SUMF1: variants seen among roughly 807,000 people sequenced by gnomAD.
The protein encoded by SUMF1 is sulfatase modifying factor 1.
In SUMF1, 48 loss-of-function variants were observed where a neutral mutation model predicts 47.6. The ratio of observed to expected loss-of-function variants is 1.01; its 90% CI spans 0.80 to 1.28. SUMF1 has a LOEUF of 1.28. Among genes scored for constraint, SUMF1 ranks in the 50% most tolerant of loss-of-function variants. SUMF1 has a pLI of 0.00. For missense variants in SUMF1, 571 were observed against 485.4 expected (o/e 1.18, Z -1.66); for synonymous variants, 230 against 192.1 (o/e 1.20, Z -1.63).
At chr3:4,349,869 G>A (rs1310935824) in intron 8 of SUMF1, among the ~76,000 whole-genome samples, 1 of 151,766 alleles carries the variant, frequency 6.6e-6, no homozygotes, top group Non-Finnish European at 1.5e-5. Context: ...GTTGGAGGAT[G>A]GGTCAATAGG....
At chr3:4,252,912 T>C (rs1347446686) in intron 8 of SUMF1, among the ~76,000 whole-genome samples, 1 of 152,196 alleles carries the variant, frequency 6.6e-6, no homozygotes. Context: ...GGTGTATTCG[T>C]ATCTAAAATA....
At chr3:4,193,036 T>A (rs560292528) in intron 8 of SUMF1, among the ~76,000 whole-genome samples, 106 of 152,202 alleles carry the variant, frequency 7.0e-4, no homozygotes, top group Middle Eastern at 3.4e-3. Context: ...ATTCAATTAA[T>A]GTTTTTTAAA....
At chr3:4,213,187 G>C (rs922550528) in intron 8 of SUMF1, among the ~76,000 whole-genome samples, 6 of 152,166 alleles carry the variant, frequency 3.9e-5, no homozygotes, top group East Asian at 3.9e-4. Context: ...ACACAAAGGA[G>C]AGCCCATCAG....
chr3:4,166,299 G>A (rs1020260490), intron 8 of SUMF1, among the ~76,000 whole-genome samples: 2 of 152,120 alleles, frequency 1.3e-5, no homozygotes, highest in African/African-American at 4.8e-5. Flanking sequence ...GGAGGGAAGG[G>A]ATCTCCAGGG....
At chr3:4,246,800 G>A (rs1369411014) in intron 8 of SUMF1, among the ~76,000 whole-genome samples, 1 of 152,080 alleles carries the variant, frequency 6.6e-6, no homozygotes, top group Non-Finnish European at 1.5e-5. Flanking sequence ...TTCAAATCTT[G>A]ACCTTTCTAT....
chr3:4,376,183 A>G lies in SUMF1; in HGVS notation c.1014+147T>C, dbSNP rs527933895. On this transcript the variant is annotated intron_variant, in intron 8 of 8. Transcript: ENST00000272902. ...CTCCATGCTTGTAACCAAATTTGAG[A>G]TGACTGTCCTCCTTTTTTTCTGGTT... 9 of 990,596 alleles carry G rather than the reference A, an allele frequency of 9.1e-6. No homozygotes were observed. In the South Asian group the frequency reaches 1.2e-4, roughly 13 times the overall value. The allele number at this position is 990,596 out of a possible 1,614,324, so 61.4% of individuals were successfully genotyped here. A position where few individuals can be genotyped will look rare whatever the true frequency, so the allele number is the denominator to read the frequency against.
At chr3:4,211,584 A>T (rs1695796045) in intron 8 of SUMF1, among the ~76,000 whole-genome samples, 1 of 152,010 alleles carries the variant, frequency 6.6e-6, no homozygotes, top group African/African-American at 2.4e-5. Flanking sequence ...GACACAGAAA[A>T]CTCCAATCAT....
At chr3:4,063,363 T>G (rs1434937684) in intron 9 of SUMF1, among the ~76,000 whole-genome samples, 1 of 152,138 alleles carries the variant, frequency 6.6e-6, no homozygotes, top group Non-Finnish European at 1.5e-5. Flanking sequence ...TTACAGAGAC[T>G]GCACACAAAA....
intron 8 of SUMF1, among the ~76,000 whole-genome samples, chr3:4,120,530 A>G (rs560570654): frequency 1.1e-4 from 16 of 152,266 alleles, no homozygotes; most frequent in African/African-American, 3.9e-4. Context: ...CCTGTTGGGA[A>G]AATAATCATG....
Position 4,113,831 on chromosome 3 carries a change from G to C in SUMF1, c.1015-45086C>G, listed in dbSNP as rs73809311. 6.6e-3 allele frequency among the ~76,000 whole-genome samples: 1,000 copies of C among 152,148 alleles called. 23 individuals are homozygous for C. Among genetic ancestry groups the C allele is most frequent in the African/African-American group, 0.023 (954 of 41,468 alleles). On this transcript the variant is annotated intron_variant and NMD_transcript_variant, in intron 8 of 12. Coordinates refer to the SUMF1 transcript ENST00000448413. ...GGGTAGGCAGATAGGAACAATTACT[G>C]AAAGTTAATCCACAGATCCGGATGC...
intron 8 of SUMF1, among the ~76,000 whole-genome samples, chr3:4,259,079 C>G (rs1047231000): frequency 1.4e-5 from 2 of 139,516 alleles, no homozygotes; most frequent in Non-Finnish European, 1.5e-5. Context: ...CACATGGACC[C>G]AGGAAGGGGG....
chr3:4,303,821 A>T, intron 8 of SUMF1: 1 of 1,372,092 alleles, frequency 7.3e-7, no homozygotes, highest in Non-Finnish European at 9.7e-7. Context: ...TCAAGGAGGC[A>T]TCACGGGGGG....
intron 7 of SUMF1, among the ~76,000 whole-genome samples, chr3:4,404,691 G>A (rs1701321152): frequency 6.6e-6 from 1 of 152,230 alleles, no homozygotes; most frequent in African/African-American, 2.4e-5. Context: ...TTGAACCCAG[G>A]AGGTGGAGGT....
rs912528604 is a variant in SUMF1 at position 4,323,936 on chromosome 3, C to T, written c.1014+52394G>A. Among the ~76,000 whole-genome samples, 7 of 152,258 alleles carry T rather than the reference C, an allele frequency of 4.6e-5. No individual in the cohort carries two copies. In the East Asian group the frequency reaches 1.2e-3, roughly 25 times the overall value. ...TTCATGAATAACAATGTACAGTTTT[C>T]AATTCCTATTACTTAGAATTCCAAT... is the stretch of plus-strand genomic sequence containing the variant. On this transcript the variant is annotated intron_variant and NMD_transcript_variant, in intron 8 of 12. Coordinates refer to the SUMF1 transcript ENST00000448413.
At position 4,088,408 on chromosome 3, in the gene SUMF1, A is replaced by G. The variant is rs372452131; in HGVS notation, c.1015-19663T>C. Among the ~76,000 whole-genome samples the G allele has an allele frequency of 3.3e-5, 5 of 152,230 alleles. No individual in the cohort carries two copies. The South Asian group carries it at 8.3e-4, about 25-fold the overall frequency. ...TTGCCCAAAAAATGTTTTGTGAACA[A>G]CTATTATGCACCTTTATCTTCTCCA... On this transcript the variant is annotated intron_variant and NMD_transcript_variant, in intron 8 of 12. Transcript: ENST00000448413.
At chr3:4,303,940 C>T (rs1698067622) in intron 8 of SUMF1, 2 of 1,104,766 alleles carry the variant, frequency 1.8e-6, no homozygotes. Flanking sequence ...CTCGAGTCAG[C>T]CTTAGCTGTG....
At chr3:4,376,006 T>C (rs1007402890) in intron 8 of SUMF1, among the ~76,000 whole-genome samples, 2 of 152,162 alleles carry the variant, frequency 1.3e-5, no homozygotes, top group African/African-American at 4.8e-5. Context: ...AAATTAAGGG[T>C]GTGCTTTCAG....
At position 4,266,959 on chromosome 3, in the gene SUMF1, C is replaced by T. The variant is rs1434852667; in HGVS notation, c.1014+109371G>A. Among the ~76,000 whole-genome samples, 95 of 151,886 alleles carry T rather than the reference C, an allele frequency of 6.3e-4. 1 individual carries two copies. Among genetic ancestry groups the T allele is most frequent in the East Asian group, 3.3e-3 (17 of 5,166 alleles). On this transcript the variant is annotated intron_variant and NMD_transcript_variant, in intron 8 of 12. Transcript: ENST00000448413. ...AGGGTTGTTGAATTTTGTCAAAGGCCTTTTCTGCATCTGTTGAGATAATCA... is the reference window on the plus strand; with the variant it reads ...AGGGTTGTTGAATTTTGTCAAAGGCTTTTTCTGCATCTGTTGAGATAATCA...
intron 8 of SUMF1, among the ~76,000 whole-genome samples, chr3:4,086,660 T>C (rs548555721): frequency 6.6e-6 from 1 of 152,212 alleles, no homozygotes; most frequent in African/African-American, 2.4e-5. Flanking sequence ...AAGTATGGTA[T>C]GGTTTGGCTG....
Sources: allele counts gnomAD v4.1 joint callset (sites outside exome capture counted in the v4.1 genomes callset), GRCh38; gene constraint gnomAD v4.1.1; transcripts MANE v1.5; gene names NCBI Gene and HGNC (gene_info 2026-07-23, HGNC 2026-07-21).